BRINP3: variants seen among roughly 807,000 people sequenced by gnomAD.
BRINP3 encodes the protein BMP/retinoic acid-inducible neural-specific protein 3.
BRINP3 carries 19 observed loss-of-function variants against 71.0 expected under a neutral mutation model. That is an observed-to-expected ratio of 0.27 (90% CI 0.19 to 0.39). The LOEUF is 0.39. Ranked by LOEUF, BRINP3 falls within the 10% of genes least tolerant of loss-of-function variation. BRINP3 has a pLI of 1.00. For synonymous variants in BRINP3, 380 were observed against 337.7 expected (o/e 1.13, Z -1.37); for missense variants, 959 against 940.8 (o/e 1.02, Z -0.25).
At chr1:190,303,183 T>C (rs1391476662) in intron 2 of BRINP3, among the ~76,000 whole-genome samples, 1 of 151,724 alleles carries the variant, frequency 6.6e-6, no homozygotes, top group African/African-American at 2.4e-5. Flanking sequence ...AATCTCAAGA[T>C]GATCTCCAAA....
At chr1:190,171,319 G>C (rs1363506938) in intron 6 of BRINP3, among the ~76,000 whole-genome samples, 1 of 152,148 alleles carries the variant, frequency 6.6e-6, no homozygotes, top group Non-Finnish European at 1.5e-5. Context: ...CTAATGGAGA[G>C]AGAATTGGTG....
At chr1:190,245,743 C>G (rs1659536968) in intron 4 of BRINP3, among the ~76,000 whole-genome samples, 2 of 99,570 alleles carry the variant, frequency 2.0e-5, no homozygotes. Flanking sequence ...CTAATGCTAT[C>G]CCTCCCCCCT....
intron 2 of BRINP3, among the ~76,000 whole-genome samples, chr1:190,373,296 A>C (rs991396737): frequency 1.3e-5 from 2 of 152,020 alleles, no homozygotes; most frequent in Non-Finnish European, 2.9e-5. Context: ...AGGCTTAGGC[A>C]GGAGAATCTC....
At position 190,097,880 on chromosome 1, in the gene BRINP3, A is replaced by G; in HGVS notation, c.*138T>C. The G allele has an allele frequency of 3.1e-6, 3 of 955,620 alleles. No homozygotes were observed. The South Asian group carries it at 5.1e-5, about 16-fold the overall frequency. 59.2% of individuals were successfully genotyped at this position (955,620 alleles called of 1,614,324 possible). ...ATTGTCAGCAAGTTCATGTGTGTAA[A>G]TTGCCATCCAATGTTATTGACTGAT... On this transcript the variant is annotated 3_prime_UTR_variant, in exon 8 of 8. Coordinates refer to ENST00000367462, the MANE Select transcript of BRINP3 (RefSeq NM_199051.3).
chr1:190,165,521 G>C (rs1423378463), intron 6 of BRINP3, among the ~76,000 whole-genome samples: 1 of 129,642 alleles, frequency 7.7e-6, no homozygotes, highest in African/African-American at 3.0e-5. Flanking sequence ...TCTACAGTTG[G>C]TTTAGACGCA....
intron 4 of BRINP3, among the ~76,000 whole-genome samples, chr1:190,257,965 G>A (rs149449064): frequency 1.1e-4 from 17 of 152,326 alleles, no homozygotes; most frequent in African/African-American, 3.8e-4. Flanking sequence ...GAGGCAATCT[G>A]TCCATTCTCT....
At chr1:190,269,112 G>A (rs903931888) in intron 3 of BRINP3, among the ~76,000 whole-genome samples, 4 of 152,056 alleles carry the variant, frequency 2.6e-5, no homozygotes, top group African/African-American at 9.7e-5. Context: ...CACATGAATA[G>A]GCAGACAAAG....
At chr1:190,394,422 C>T (rs1671442698) in intron 2 of BRINP3, among the ~76,000 whole-genome samples, 1 of 151,348 alleles carries the variant, frequency 6.6e-6, no homozygotes, top group Non-Finnish European at 1.5e-5. Flanking sequence ...TTTCAAATTA[C>T]TAATTATCTG....
chr1:190,224,313 T>C (rs1657141023), intron 6 of BRINP3, among the ~76,000 whole-genome samples: 1 of 151,604 alleles, frequency 6.6e-6, no homozygotes, highest in Admixed American at 6.6e-5. Flanking sequence ...TGGAATAGAA[T>C]AGAGAACCAT....
intron 2 of BRINP3, among the ~76,000 whole-genome samples, chr1:190,397,539 T>C (rs1423940464): frequency 2.0e-5 from 3 of 152,028 alleles, no homozygotes; most frequent in African/African-American, 7.2e-5. Context: ...ATTTCTTTCA[T>C]ATTATGTTCT....
chr1:190,392,372 G>T (rs962730456), intron 2 of BRINP3, among the ~76,000 whole-genome samples: 1 of 151,464 alleles, frequency 6.6e-6, no homozygotes, highest in African/African-American at 2.4e-5. Flanking sequence ...TAACATTTCT[G>T]TGATGTAGAT....
chr1:190,156,327 G>C (rs1229196781), intron 7 of BRINP3, among the ~76,000 whole-genome samples: 3 of 151,946 alleles, frequency 2.0e-5, no homozygotes, highest in African/African-American at 7.2e-5. Flanking sequence ...TAAATTGAGA[G>C]AAAAGTTCAA....
chr1:190,281,458 C>A, intron 3 of BRINP3, 102 bp downstream of exon 3: 1 of 1,076,060 alleles, frequency 9.3e-7, no homozygotes, highest in Admixed American at 2.2e-5. Context: ...AGTTCTATAA[C>A]TATTCATACT....
intron 6 of BRINP3, among the ~76,000 whole-genome samples, chr1:190,210,267 A>G (rs73056753): frequency 0.014 from 2,159 of 152,236 alleles, 54 homozygotes; most frequent in African/African-American, 0.049. Context: ...ACAATAGAGT[A>G]TCAAGTAAAA....
chr1:190,166,251 A>G (rs1366852455), intron 6 of BRINP3, among the ~76,000 whole-genome samples: 1 of 152,202 alleles, frequency 6.6e-6, no homozygotes, highest in Non-Finnish European at 1.5e-5. Flanking sequence ...ATGGGTACAT[A>G]AGGGTATAAA....
chr1:190,175,887 T>G (rs1372479273), intron 6 of BRINP3, among the ~76,000 whole-genome samples: 1 of 152,160 alleles, frequency 6.6e-6, no homozygotes, highest in Non-Finnish European at 1.5e-5. Context: ...AGTGGATCAG[T>G]GTTGAGCTCT....
chr1:190,179,464 G>C (rs1443654156), intron 6 of BRINP3, among the ~76,000 whole-genome samples: 2 of 152,058 alleles, frequency 1.3e-5, no homozygotes, highest in Non-Finnish European at 2.9e-5. Flanking sequence ...AATCTTAAAT[G>C]TGATATTCCC....
At chr1:190,375,715 T>C (rs1670142718) in intron 2 of BRINP3, among the ~76,000 whole-genome samples, 1 of 151,940 alleles carries the variant, frequency 6.6e-6, no homozygotes, top group Non-Finnish European at 1.5e-5. Flanking sequence ...TTCATACACA[T>C]GTATGGAAAT....
chr1:190,225,688 C>T (rs948555981), intron 6 of BRINP3, among the ~76,000 whole-genome samples: 11 of 151,898 alleles, frequency 7.2e-5, no homozygotes, highest in Non-Finnish European at 1.5e-4. Flanking sequence ...AAAATAAGCA[C>T]TAATGAGAAT....
Sources: allele counts gnomAD v4.1 joint callset (sites outside exome capture counted in the v4.1 genomes callset), GRCh38; gene constraint gnomAD v4.1.1; transcripts MANE v1.5; gene names NCBI Gene and HGNC (gene_info 2026-07-23, HGNC 2026-07-21).